The following ABCB5 variants were observed in gnomAD, a reference collection of about 807,000 sequenced individuals.
The protein encoded by ABCB5 is ATP-binding cassette sub-family B member 5.
A neutral mutation model predicts 144.2 loss-of-function variants in ABCB5; 155 were observed. The observed-to-expected ratio is 1.08, with a 90% CI of 0.94 to 1.23. The LOEUF is 1.23. Ranked by LOEUF, ABCB5 falls within the 50% of genes most tolerant of loss-of-function variation. The probability of loss-of-function intolerance (pLI) is 0.00; values close to 1 mark genes in which losing one functional copy is unlikely to be tolerated. For synonymous variants in ABCB5, 610 were observed against 528.6 expected (o/e 1.15, Z -2.11); for missense variants, 1,830 against 1,520.8 (o/e 1.20, Z -3.38).
At chr7:20,628,907 A>C in intron 4 of ABCB5, 69 bp downstream of exon 4, 1 of 1,521,448 alleles carries the variant, frequency 6.6e-7, no homozygotes, top group East Asian at 2.3e-5. Flanking sequence ...ACAAACGTTA[A>C]GCTAGCAAGG....
At chr7:20,751,213 T>C (rs1253997227) in intron 26 of ABCB5, among the ~76,000 whole-genome samples, 2 of 151,984 alleles carry the variant, frequency 1.3e-5, no homozygotes, top group East Asian at 1.9e-4. Context: ...TGCCAGAAAA[T>C]GGATTCAAAT....
chr7:20,628,668 C>G lies in ABCB5; in HGVS notation c.109-20C>G. 1 of 1,605,622 alleles carries G rather than the reference C, an allele frequency of 6.2e-7. No individual in the cohort carries two copies. Among genetic ancestry groups the G allele is most frequent in the East Asian group, 2.2e-5 (1 of 44,624 alleles). On this transcript the variant is annotated intron_variant, in intron 3 of 27. Transcript: ENST00000404938. ...TGTTTGTTTTACAGTTGTGGTGCTA[C>G]CGTGCTTTGTTTTCCTCAGTTCCGC...
At chr7:20,675,776 T>C (rs1785580469) in intron 14 of ABCB5, among the ~76,000 whole-genome samples, 1 of 151,770 alleles carries the variant, frequency 6.6e-6, no homozygotes, top group African/African-American at 2.4e-5. Flanking sequence ...GAGATTAATA[T>C]CTAAAATATA....
At chr7:20,747,228 T>C (rs1236005053) in intron 26 of ABCB5, among the ~76,000 whole-genome samples, 5 of 152,248 alleles carry the variant, frequency 3.3e-5, no homozygotes, top group African/African-American at 1.2e-4. Flanking sequence ...GTTTGTTTTA[T>C]GTATTGTGAA....
chr7:20,723,504 G>A (rs1421246847), intron 21 of ABCB5, among the ~76,000 whole-genome samples: 1 of 152,200 alleles, frequency 6.6e-6, no homozygotes, highest in Non-Finnish European at 1.5e-5. Context: ...TGTGATATGA[G>A]CAGGTTATGT....
Position 20,658,533 on chromosome 7 carries a change from G to T in ABCB5, c.1564G>T (p.Gly522Ter), listed in dbSNP as rs200262701. 6.2e-7 allele frequency: 1 copy of T among 1,614,016 alleles called. No individual in the cohort carries two copies. Among genetic ancestry groups the T allele is most frequent in the South Asian group, 1.1e-5 (1 of 91,036 alleles). Reference sequence around the variant, plus strand: ...ATTTAATACATTGGTAGGGGAAAAAGGAGCTCAAATGAGTGGAGGGCAGAA... The same window carrying T: ...ATTTAATACATTGGTAGGGGAAAAATGAGCTCAAATGAGTGGAGGGCAGAA... ...NKFNTLVGEK[G>*]AQMSGGQKQR... The change falls in exon 14 of 28, where the codon GGA (glycine) becomes TGA (stop). Residue 522 changes from glycine (G) to a stop codon, truncating the protein, a stop_gained. Coordinates refer to ENST00000404938, the MANE Select transcript of ABCB5 (RefSeq NM_001163941.2). LOFTEE classifies it high-confidence loss of function.
At chr7:20,673,955 G>A (rs1197371153) in intron 14 of ABCB5, among the ~76,000 whole-genome samples, 1 of 151,878 alleles carries the variant, frequency 6.6e-6, no homozygotes, top group Non-Finnish European at 1.5e-5. Flanking sequence ...TGGCTTTAGA[G>A]TTTATGGTGT....
At chr7:20,657,760 T>C (rs1274544686) in intron 13 of ABCB5, among the ~76,000 whole-genome samples, 1 of 152,216 alleles carries the variant, frequency 6.6e-6, no homozygotes, top group Non-Finnish European at 1.5e-5. Context: ...ATGCATTTTA[T>C]TGTGTGTAAA....
Position 20,723,087 on chromosome 7 carries a change from TA to T in ABCB5, c.2494del (p.Ile832TyrfsTer6), listed in dbSNP as rs1370101882. On this transcript the variant is annotated frameshift_variant, in exon 21 of 28. Transcript: ENST00000404938. LOFTEE classifies it high-confidence loss of function. Reference protein sequence around the residue: ...NMGLSVIISFIYGWEMTFLIL... With the variant: ...NMGLSVIISFXYGWEMTFLIL... ...TGGGACTTTCAGTTATCATTTCCTT[TA>T]TATATGGATGGGAGATGACATTCCT... 6.2e-7 allele frequency: 1 copy of T among 1,614,128 alleles called. No individual in the cohort carries two copies. Among genetic ancestry groups the T allele is most frequent in the East Asian group, 2.2e-5 (1 of 44,866 alleles).
At chr7:20,683,325 A>G (rs1424296935) in intron 15 of ABCB5, among the ~76,000 whole-genome samples, 1 of 152,204 alleles carries the variant, frequency 6.6e-6, no homozygotes, top group Non-Finnish European at 1.5e-5. Flanking sequence ...TGTCTCAAAA[A>G]TAAAAGTGAG....
chr7:20,644,436 T>C (rs982451546), intron 7 of ABCB5, among the ~76,000 whole-genome samples: 4 of 152,210 alleles, frequency 2.6e-5, no homozygotes, highest in Admixed American at 6.5e-5. Context: ...CTAATATCTA[T>C]TTTTATGTAC....
chr7:20,670,497 G>A (rs1337841388), intron 14 of ABCB5, among the ~76,000 whole-genome samples: 1 of 151,934 alleles, frequency 6.6e-6, no homozygotes, highest in East Asian at 1.9e-4. Flanking sequence ...GGAACTCAGT[G>A]TTTACTTAAA....
chr7:20,680,282 G>A (rs1290300078), intron 14 of ABCB5, among the ~76,000 whole-genome samples: 1 of 152,126 alleles, frequency 6.6e-6, no homozygotes, highest in Admixed American at 6.5e-5. Context: ...ACTTGAGGCC[G>A]AGCGCGGTGG....
rs752496235 is a variant in ABCB5 at position 20,753,326 on chromosome 7, G to A, written c.3430-34G>A. 9 of 1,577,234 alleles carry A rather than the reference G, an allele frequency of 5.7e-6. No individual in the cohort carries two copies. In the South Asian group the frequency reaches 9.4e-5, roughly 16 times the overall value. On this transcript the variant is annotated intron_variant, in intron 26 of 27. Coordinates refer to ENST00000404938, the MANE Select transcript of ABCB5 (RefSeq NM_001163941.2). ...TTGCCATGCTAATTTAAATAACCAA[G>A]ACTTGCTTTCTTAATTGCATGCTCC...
At chr7:20,622,837 T>C (rs768282319) in intron 1 of ABCB5, among the ~76,000 whole-genome samples, 1 of 152,132 alleles carries the variant, frequency 6.6e-6, no homozygotes, top group Non-Finnish European at 1.5e-5. Context: ...GAAAACCCTA[T>C]TCCCTCAAAC....
chr7:20,688,561 C>T (rs956681847), intron 16 of ABCB5, among the ~76,000 whole-genome samples: 7 of 152,120 alleles, frequency 4.6e-5, no homozygotes, highest in Admixed American at 1.3e-4. Context: ...GTCAGTGTGG[C>T]GATTCCTCAA....
intron 20 of ABCB5, among the ~76,000 whole-genome samples, chr7:20,706,552 A>G (rs547139582): frequency 6.6e-6 from 1 of 152,346 alleles, no homozygotes; most frequent in Non-Finnish European, 1.5e-5. Context: ...GACTAATATC[A>G]TTTCATCACT....
chr7:20,659,347 G>A, intron 14 of ABCB5: 3 of 1,294,754 alleles, frequency 2.3e-6, no homozygotes, highest in African/African-American at 1.5e-5. Flanking sequence ...CCCTTACAAG[G>A]CTTAATGGCA....
At chr7:20,733,636 C>G (rs1011886740) in intron 23 of ABCB5, among the ~76,000 whole-genome samples, 1 of 150,060 alleles carries the variant, frequency 6.7e-6, no homozygotes. Context: ...CTTTTCTTTT[C>G]TTTTCTTTTT....
Sources: allele counts gnomAD v4.1 joint callset (sites outside exome capture counted in the v4.1 genomes callset), GRCh38; gene constraint gnomAD v4.1.1; transcripts MANE v1.5; gene names NCBI Gene and HGNC (gene_info 2026-07-23, HGNC 2026-07-21).